Variants in DHX58 observed in about 807,000 individuals in gnomAD.
DHX58 encodes the protein DExH-box helicase 58, also known as ATP-dependent RNA helicase DHX58.
A neutral mutation model predicts 65.0 loss-of-function variants in DHX58; 51 were observed. The ratio of observed to expected loss-of-function variants is 0.78; its 90% CI spans 0.63 to 0.99. DHX58 has a LOEUF of 0.99. Ranked by LOEUF, DHX58 falls within the 50% of genes least tolerant of loss-of-function variation. DHX58 has a pLI of 0.00. For missense variants in DHX58, 773 were observed against 891.8 expected (o/e 0.87, Z 1.70); for synonymous variants, 350 against 365.0 (o/e 0.96, Z 0.47).
chr17:42,102,250 G>C lies in DHX58; in HGVS notation c.1817C>G (p.Pro606Arg). Residue 606 changes from proline to arginine, a missense_variant, in exon 13 of 14, where the codon CCT (proline) becomes CGT (arginine). By Grantham distance (103) the Pro-to-Arg change is moderately radical. Coordinates refer to ENST00000251642, the MANE Select transcript of DHX58 (RefSeq NM_024119.3). ...GTTCCTGCAGCTGATGACACCCCCA[G>C]GCTTCCAGTCCTTGAAGACTTTGTT... ...VINKVFKDWK[P>R]GGVISCRNCG... The C allele has an allele frequency of 1.2e-6, 2 of 1,614,168 alleles. No individual in the cohort carries two copies. Among genetic ancestry groups the C allele is most frequent in the Non-Finnish European group, 1.7e-6 (2 of 1,180,022 alleles).
At position 42,103,779 on chromosome 17, in the gene DHX58, G is replaced by T. The variant is rs1555662022; in HGVS notation, c.1583C>A (p.Ala528Glu). 1 of 1,608,110 alleles carries T rather than the reference G, an allele frequency of 6.2e-7. No homozygotes were observed. The highest frequency in any genetic ancestry group is 1.3e-5 in the African/African-American group (1 of 75,020). ...YQAKIRDLQQ[A>E]ALTKRAAQAA... ...CTGGGCCGCCCGCTTGGTCAAGGCT[G>T]CCTGCTGCAGATCCCGGATCTGGGG... Residue 528 changes from alanine (A) to glutamate (E), a missense_variant, in exon 12 of 14, where the codon GCA (alanine) becomes GAA (glutamate). By Grantham distance (107) the Ala-to-Glu change is moderately radical. Transcript: ENST00000251642.
intron 3 of DHX58, 27 bp downstream of exon 3, chr17:42,111,698 A>C (rs1182875550): frequency 6.3e-7 from 1 of 1,588,822 alleles, no homozygotes; most frequent in Non-Finnish European, 8.6e-7. Flanking sequence ...TGGTGGTGGG[A>C]GAGCGGGGTA....
At chr17:42,108,294 C>G (rs1555663292) in intron 6 of DHX58, among the ~76,000 whole-genome samples, 186 bp from the exon 7 acceptor site, 1 of 152,196 alleles carries the variant, frequency 6.6e-6, no homozygotes, top group Non-Finnish European at 1.5e-5. Context: ...CCGCGATGTG[C>G]TCTTACCCTT....
intron 5 of DHX58, 118 bp downstream of exon 5, chr17:42,110,605 A>G: frequency 1.7e-6 from 2 of 1,182,178 alleles, no homozygotes; most frequent in Non-Finnish European, 2.3e-6. Context: ...AAGGGGCCAG[A>G]CCCTGCCATG....
In DHX58 at chr17:42,103,605, C is replaced by T; in HGVS notation, c.1754+3G>A. ...TCCCAGTAGCCCCTTCCACAGGTCT[C>T]ACGAGAAGTTGGGGTTCACATTGAC... On this transcript the variant is annotated splice_donor_region_variant and intron_variant, in intron 12 of 13. Transcript: ENST00000251642. The T allele has an allele frequency of 1.2e-6, 2 of 1,613,976 alleles. No homozygotes were observed. The highest frequency in any genetic ancestry group is 1.7e-6 in the Non-Finnish European group (2 of 1,179,990).
At chr17:42,111,702 CG>C in intron 3 of DHX58, 22 bp downstream of exon 3, 1 of 1,589,790 alleles carries the variant, frequency 6.3e-7, no homozygotes, top group Middle Eastern at 1.7e-4. Context: ...GGTGGGAGAG[CG>C]GGGTAGGGAC....
At chr17:42,109,068 G>T (rs1003721270) in intron 6 of DHX58, among the ~76,000 whole-genome samples, 2 of 152,222 alleles carry the variant, frequency 1.3e-5, no homozygotes, top group Non-Finnish European at 2.9e-5. Context: ...AGACACCAGT[G>T]GTGCCTTCTG....
chr17:42,104,683 C>A (rs909456531), intron 11 of DHX58, 83 bp downstream of exon 11: 8 of 1,544,766 alleles, frequency 5.2e-6, no homozygotes, highest in Non-Finnish European at 7.0e-6. Flanking sequence ...GACAGGGGGA[C>A]GTATGTGTGC....
chr17:42,110,238 A>G (rs577868128), intron 5 of DHX58, among the ~76,000 whole-genome samples: 2 of 152,134 alleles, frequency 1.3e-5, no homozygotes, highest in South Asian at 2.1e-4. Context: ...CGCATTAACA[A>G]GCTCTGAAGA....
rs782563834 is a variant in DHX58 at position 42,105,153 on chromosome 17, T to G, written c.1266A>C (p.Glu422Asp). 6.8e-6 allele frequency: 11 copies of G among 1,613,104 alleles called. No homozygotes were observed. Among genetic ancestry groups the G allele is most frequent in the Non-Finnish European group, 8.5e-6 (10 of 1,179,494 alleles). ...STHMTQRDQQEVIQKFQDGTL... is the reference protein window; with the variant it reads ...STHMTQRDQQDVIQKFQDGTL... ...TTCCATCTTGGAACTTCTGGATCACTTCTTGCTGGTCCCTCTGCAGGCGGA... is the reference window on the plus strand; with the variant it reads ...TTCCATCTTGGAACTTCTGGATCACGTCTTGCTGGTCCCTCTGCAGGCGGA... Residue 422 changes from glutamate (E) to aspartate (D), a missense_variant, in exon 10 of 14, where the codon GAA becomes GAC. Coordinates refer to ENST00000251642, the MANE Select transcript of DHX58 (RefSeq NM_024119.3).
intron 2 of DHX58, 54 bp from the exon 3 acceptor site, chr17:42,111,947 T>C (rs536387845): frequency 1.9e-6 from 3 of 1,563,888 alleles, no homozygotes; most frequent in African/African-American, 2.7e-5. Flanking sequence ...TCCCAACTCC[T>C]GGCCAGACCA....
At chr17:42,105,533 C>T (rs2054043032) in intron 9 of DHX58, among the ~76,000 whole-genome samples, 2 of 152,106 alleles carry the variant, frequency 1.3e-5, no homozygotes, top group African/African-American at 4.8e-5. Context: ...CCAAGGACCT[C>T]CAGACTGGGA....
intron 11 of DHX58, among the ~76,000 whole-genome samples, chr17:42,104,192 TGA>T (rs113128680): frequency 0.11 from 16,568 of 147,648 alleles, 2,266 homozygotes; most frequent in African/African-American, 0.33. Context: ...GGTGACAGAG[TGA>T]GACTCCGTCT....
intron 11 of DHX58, 112 bp from the exon 12 acceptor site, chr17:42,103,910 A>G: frequency 8.4e-7 from 1 of 1,195,266 alleles, no homozygotes; most frequent in Non-Finnish European, 1.1e-6. Flanking sequence ...ACTTTCCTTA[A>G]CCCTCCCTGG....
At chr17:42,103,438 A>T (rs1377876783) in intron 12 of DHX58, 170 bp downstream of exon 12, 1 of 833,970 alleles carries the variant, frequency 1.2e-6, no homozygotes, top group South Asian at 1.8e-5. Context: ...CTGAGCCTCT[A>T]TTTCCTTGCC....
At position 42,111,799 on chromosome 17, in the gene DHX58, G is replaced by C. The variant is rs782139164; in HGVS notation, c.94C>G (p.Arg32Gly). ...IWLPTGAGKT[R>G]AAAYVAKRHL... Reference sequence around the variant, plus strand: ...CGCTTGGCCACATAAGCAGCCGCCCGGGTCTTCCCGGCACCCGTGGGCAGC... The same window carrying C: ...CGCTTGGCCACATAAGCAGCCGCCCCGGTCTTCCCGGCACCCGTGGGCAGC... The change falls in exon 3 of 14, where the codon CGG becomes GGG. Residue 32 changes from arginine (R) to glycine (G), a missense_variant. Physicochemically the swap from Arg to Gly is moderately radical, Grantham distance 125 (BLOSUM62 -2). Coordinates refer to ENST00000251642, the MANE Select transcript of DHX58 (RefSeq NM_024119.3). The C allele has an allele frequency of 1.2e-6, 2 of 1,614,050 alleles. No homozygotes were observed. The highest frequency in any genetic ancestry group is 1.7e-6 in the Non-Finnish European group (2 of 1,179,948).
At chr17:42,107,574 C>A in intron 8 of DHX58, 30 bp downstream of exon 8, 1 of 1,522,646 alleles carries the variant, frequency 6.6e-7, no homozygotes, top group Non-Finnish European at 8.8e-7. Flanking sequence ...CCCATCATCC[C>A]CGGCCCCGAA....
intron 4 of DHX58, 152 bp downstream of exon 4, chr17:42,111,144 G>A: frequency 9.5e-7 from 1 of 1,049,578 alleles, no homozygotes; most frequent in Non-Finnish European, 1.4e-6. Flanking sequence ...AGCCCGGCCT[G>A]TTTCTACTAG....
At chr17:42,104,632 C>A in intron 11 of DHX58, 134 bp downstream of exon 11, 7 of 1,220,966 alleles carry the variant, frequency 5.7e-6, no homozygotes, top group Non-Finnish European at 3.4e-6. Flanking sequence ...CTTATTTAAA[C>A]CTTCCCTAGG....
Sources: allele counts gnomAD v4.1 joint callset (sites outside exome capture counted in the v4.1 genomes callset), GRCh38; gene constraint gnomAD v4.1.1; transcripts MANE v1.5; gene names NCBI Gene and HGNC (gene_info 2026-07-23, HGNC 2026-07-21).